HERC1: variants seen among roughly 807,000 people sequenced by gnomAD.
The protein encoded by HERC1 is probable E3 ubiquitin-protein ligase HERC1.
A neutral mutation model predicts 554.3 loss-of-function variants in HERC1; 160 were observed. That is an observed-to-expected ratio of 0.29 (90% CI 0.25 to 0.33). The LOEUF (loss-of-function observed/expected upper bound fraction) is 0.33. Ranked by LOEUF, HERC1 falls within the 10% of genes least tolerant of loss-of-function variation. The probability of loss-of-function intolerance (pLI) is 1.00; values close to 1 mark genes in which losing one functional copy is unlikely to be tolerated. For missense variants in HERC1, 4,919 were observed against 5,918.5 expected (o/e 0.83, Z 5.54); for synonymous variants, 2,175 against 2,131.7 (o/e 1.02, Z -0.56).
At chr15:63,802,817 C>T (rs934003412) in intron 1 of HERC1, among the ~76,000 whole-genome samples, 2 of 152,220 alleles carry the variant, frequency 1.3e-5, no homozygotes, top group African/African-American at 4.8e-5. Context: ...AAGCTTTTAG[C>T]ATTCTCTAGG....
At chr15:63,825,107 G>A (rs144621797) in intron 1 of HERC1, among the ~76,000 whole-genome samples, 2,030 of 152,194 alleles carry the variant, frequency 0.013, 24 homozygotes, top group East Asian at 0.027. Flanking sequence ...CCGGGAGTTC[G>A]AGAGCAGTCT....
rs756615367 is a variant in HERC1, at chr15:63,645,619, C to T, written c.10942G>A (p.Asp3648Asn). The change falls in exon 56 of 78, where the codon GAC becomes AAC. Residue 3648 changes from aspartate (D) to asparagine (N), a missense_variant. Transcript: ENST00000443617. ...GHILMTCAKE[D>N]SVKLWGSISG... ...ATAGAGCCCCAGAGTTTCACACTGTCTTCTTTGGCACATGTCATAAGAATA... is the reference window on the plus strand; with the variant it reads ...ATAGAGCCCCAGAGTTTCACACTGTTTTCTTTGGCACATGTCATAAGAATA... 6.2e-7 allele frequency: 1 copy of T among 1,612,102 alleles called. No individual in the cohort carries two copies. Among genetic ancestry groups the T allele is most frequent in the African/African-American group, 1.3e-5 (1 of 74,988 alleles).
intron 42 of HERC1, among the ~76,000 whole-genome samples, chr15:63,664,797 G>C (rs2070535546): frequency 6.6e-6 from 1 of 152,174 alleles, no homozygotes; most frequent in Admixed American, 6.5e-5. Flanking sequence ...AACTTTGTCT[G>C]ATTTTGAATT....
chr15:63,670,607 T>C (rs1288623564), intron 39 of HERC1, among the ~76,000 whole-genome samples: 1 of 152,100 alleles, frequency 6.6e-6, no homozygotes, highest in Non-Finnish European at 1.5e-5. Context: ...TAAGTCCTGG[T>C]GAATGCCTAT....
rs1052647054 is a variant in HERC1, at chr15:63,718,578, C to T, written c.3974G>A (p.Arg1325Lys). 5 of 1,568,690 alleles carry T rather than the reference C, an allele frequency of 3.2e-6. No individual in the cohort carries two copies. The African/African-American group carries it at 6.8e-5, about 21-fold the overall frequency. The change falls in exon 21 of 78, where the codon AGA (arginine) becomes AAA (lysine). Residue 1325 changes from arginine (R) to lysine (K), a missense_variant. This residue lies in a region of HERC1 where 1,121 missense variants were observed against 1,244.0 expected (regional missense o/e 0.90). Transcript: ENST00000443617. This position sits in a 1 kb window ranked among gnomAD's most constrained non-coding sequence, Gnocchi z 4.2. ...TTAATTGATTTCAAACTTTACCCATCTGTCCCGTGATGATGACCTTGTTTG... is the reference window on the plus strand; with the variant it reads ...TTAATTGATTTCAAACTTTACCCATTTGTCCCGTGATGATGACCTTGTTTG... Reference protein sequence around the residue: ...LIQTRSSSRDRWISENQDSAD... With the variant: ...LIQTRSSSRDKWISENQDSAD...
chr15:63,739,006 T>C (rs2074671297), intron 12 of HERC1, among the ~76,000 whole-genome samples: 1 of 151,366 alleles, frequency 6.6e-6, no homozygotes, highest in African/African-American at 2.4e-5. Context: ...AATTGACATA[T>C]AATCCACATG....
intron 34 of HERC1, among the ~76,000 whole-genome samples, chr15:63,681,605 C>T (rs2071483993): frequency 6.6e-6 from 1 of 151,974 alleles, no homozygotes; most frequent in Non-Finnish European, 1.5e-5. Flanking sequence ...AAAAAAACTT[C>T]CCCTACGTGA....
chr15:63,647,924 T>A, intron 55 of HERC1, 145 bp downstream of exon 55: 1 of 672,802 alleles, frequency 1.5e-6, no homozygotes, highest in Non-Finnish European at 2.5e-6. Flanking sequence ...GAGGATGGAT[T>A]ATGAGAGATT....
At chr15:63,620,620 T>G (rs907288150) in intron 74 of HERC1, among the ~76,000 whole-genome samples, 7 of 152,100 alleles carry the variant, frequency 4.6e-5, no homozygotes, top group Non-Finnish European at 1.0e-4. Context: ...TATTATTGTG[T>G]GGGAGTCTAA....
At chr15:63,690,166 CAA>C (rs373716359) in intron 32 of HERC1, among the ~76,000 whole-genome samples, 16 of 77,804 alleles carry the variant, frequency 2.1e-4, no homozygotes, top group Admixed American at 4.7e-4. Flanking sequence ...GACTCCATCT[CAA>C]AAAAAAAAAA....
intron 12 of HERC1, among the ~76,000 whole-genome samples, chr15:63,744,164 GTC>G (rs71464534): frequency 0.033 from 1,506 of 45,102 alleles, 10 homozygotes; most frequent in Middle Eastern, 0.05. Context: ...GTGTGTGTGT[GTC>G]TCTCTCTCTC....
chr15:63,761,681 AAATT>A (rs1485049591), intron 3 of HERC1, among the ~76,000 whole-genome samples: 2 of 152,098 alleles, frequency 1.3e-5, no homozygotes, highest in African/African-American at 4.8e-5. Context: ...CATAATTTAG[AAATT>A]AATTTTTTCA....
At position 63,632,692 on chromosome 15, in the gene HERC1, G is replaced by T; in HGVS notation, c.12796+17C>A. On this transcript the variant is annotated intron_variant, in intron 68 of 77. Transcript: ENST00000443617. Reference sequence around the variant, plus strand: ...TAATGATGTGTACCCAAGCAAATAAGCTGAAAAATGTCTTACCTTGACCAA... The same window carrying T: ...TAATGATGTGTACCCAAGCAAATAATCTGAAAAATGTCTTACCTTGACCAA... The T allele has an allele frequency of 6.8e-7, 1 of 1,476,448 alleles. No individual in the cohort carries two copies. Among genetic ancestry groups the T allele is most frequent in the Non-Finnish European group, 9.3e-7 (1 of 1,078,574 alleles). 91.5% of individuals were successfully genotyped at this position (1,476,448 alleles called of 1,614,324 possible). A position where few individuals can be genotyped will look rare whatever the true frequency, so the allele number is the denominator to read the frequency against.
chr15:63,683,865 A>C (rs2153010351), intron 34 of HERC1, among the ~76,000 whole-genome samples: 1 of 152,306 alleles, frequency 6.6e-6, no homozygotes, highest in African/African-American at 2.4e-5. Flanking sequence ...GGAATCCTGA[A>C]CTCACACATT....
In HERC1 at chr15:63,635,863, A is replaced by C. The variant is rs1299362870; in HGVS notation, c.12414+98T>G. 4 of 1,241,712 alleles carry C rather than the reference A, an allele frequency of 3.2e-6. No individual in the cohort carries two copies. In the African/African-American group the frequency reaches 6.0e-5, roughly 19 times the overall value. 76.9% of individuals were successfully genotyped at this position (1,241,712 alleles called of 1,614,324 possible). A position where few individuals can be genotyped will look rare whatever the true frequency, so the allele number is the denominator to read the frequency against. ...GGATCTCTTATAATTACTGTGTAAT[A>C]TATTTTTACTATATTTTCTGTTACC... On this transcript the variant is annotated intron_variant, in intron 65 of 77. Transcript: ENST00000443617.
In HERC1 at chr15:63,656,215, C is replaced by G. The variant is rs757219034; in HGVS notation, c.9743G>C (p.Arg3248Pro). The change falls in exon 49 of 78, where the codon CGA becomes CCA. Residue 3248 changes from arginine to proline, a missense_variant. Physicochemically the swap from Arg to Pro is moderately radical, Grantham distance 103. Transcript: ENST00000443617. ...AGCCTTGCTATGCCCACCTCGTGAT[C>G]GTTCTGAGGTGCTAGCCATGGCAGA... Reference protein sequence around the residue: ...SPSAMASTSERSRGGHSKANK... With the variant: ...SPSAMASTSEPSRGGHSKANK... 78 of 1,613,132 alleles carry G rather than the reference C, an allele frequency of 4.8e-5. 1 individual carries two copies. The highest frequency in any genetic ancestry group is 6.6e-5 in the Non-Finnish European group (78 of 1,179,596).
chr15:63,823,841 A>C (rs1355587996), intron 1 of HERC1, among the ~76,000 whole-genome samples: 1 of 152,234 alleles, frequency 6.6e-6, no homozygotes, highest in African/African-American at 2.4e-5. Flanking sequence ...TCTGCATAGC[A>C]AAAGAACAAT....
chr15:63,757,380 A>T (rs2075458861), intron 4 of HERC1, among the ~76,000 whole-genome samples: 1 of 148,530 alleles, frequency 6.7e-6, no homozygotes, highest in Non-Finnish European at 1.5e-5. Flanking sequence ...TTCCTGCCTC[A>T]GCCCCCTGAG....
chr15:63,790,145 T>C (rs538370908), intron 1 of HERC1, among the ~76,000 whole-genome samples: 1 of 152,304 alleles, frequency 6.6e-6, no homozygotes, highest in African/African-American at 2.4e-5. Context: ...CTACATGATA[T>C]AACACATATA....
Sources: allele counts gnomAD v4.1 joint callset (sites outside exome capture counted in the v4.1 genomes callset), GRCh38; gene constraint gnomAD v4.1.1; regional missense constraint gnomAD v4.1.1; non-coding constraint Gnocchi (gnomAD v3.1); transcripts MANE v1.5; gene names NCBI Gene and HGNC (gene_info 2026-07-23, HGNC 2026-07-21).